The following CEP192 variants were observed in gnomAD, a reference collection of about 807,000 sequenced individuals.
CEP192 encodes the protein centrosomal protein of 192 kDa.
In CEP192, 151 loss-of-function variants were observed where a neutral mutation model predicts 271.8. The ratio of observed to expected loss-of-function variants is 0.56; its 90% CI spans 0.49 to 0.64. The LOEUF (loss-of-function observed/expected upper bound fraction) is 0.64. Among genes scored for constraint, CEP192 ranks in the 30% least tolerant of loss-of-function variants. CEP192 has a pLI of 0.00. For synonymous variants in CEP192, 995 were observed against 1,076.5 expected (o/e 0.92, Z 1.48); for missense variants, 2,910 against 3,020.5 (o/e 0.96, Z 0.86).
intron 36 of CEP192, 22 bp from the exon 37 acceptor site, chr18:13,099,454 T>C: frequency 8.1e-7 from 1 of 1,235,800 alleles, no homozygotes; most frequent in Non-Finnish European, 1.2e-6. Context: ...CTTTTTAATT[T>C]TCTTATTAAT....
At chr18:13,002,423 A>G (rs2033711720) in intron 3 of CEP192, among the ~76,000 whole-genome samples, 1 of 152,150 alleles carries the variant, frequency 6.6e-6, no homozygotes, top group African/African-American at 2.4e-5. Flanking sequence ...TGTGTTGGTC[A>G]TTTAGATTAT....
intron 36 of CEP192, among the ~76,000 whole-genome samples, chr18:13,098,754 C>T (rs1403301423): frequency 9.2e-5 from 14 of 151,556 alleles, no homozygotes; most frequent in Non-Finnish European, 1.8e-4. Context: ...CAGGCAGAGA[C>T]GCTCCTCACT....
chr18:13,118,919 A>C (rs1297819496), intron 44 of CEP192, among the ~76,000 whole-genome samples: 1 of 152,194 alleles, frequency 6.6e-6, no homozygotes. Context: ...GTCTTCATTT[A>C]ATCCCTATGA....
rs553583483 is a variant in CEP192, at chr18:13,024,832, C to T, written c.1051-4831C>T. Reference sequence around the variant, plus strand: ...TTGCCCAGGCTCTAGTGCAGTGGTGCGATCTCAGCTATCTGCGACCTCCAC... The same window carrying T: ...TTGCCCAGGCTCTAGTGCAGTGGTGTGATCTCAGCTATCTGCGACCTCCAC... On this transcript the variant is annotated intron_variant, in intron 9 of 44. Coordinates refer to ENST00000506447, the MANE Select transcript of CEP192 (RefSeq NM_032142.4). Among the ~76,000 whole-genome samples the T allele has an allele frequency of 7.2e-5, 11 of 151,990 alleles. No individual in the cohort carries two copies. The East Asian group carries it at 7.8e-4, about 11-fold the overall frequency.
rs370569257 is a variant in CEP192 at position 13,049,697 on chromosome 18, G to A, written c.2890+16G>A. On this transcript the variant is annotated intron_variant, in intron 16 of 44. Transcript: ENST00000506447. ...AAAAATAGTGGTAAGTGTCTGAGTC[G>A]TTGGTCACATTCATAAAATTACAAA... 33 of 1,603,152 alleles carry A rather than the reference G, an allele frequency of 2.1e-5. No individual in the cohort carries two copies. Among genetic ancestry groups the A allele is most frequent in the Middle Eastern group, 1.7e-4 (1 of 5,976 alleles).
intron 30 of CEP192, among the ~76,000 whole-genome samples, chr18:13,085,029 G>C (rs1598555824): frequency 1.3e-5 from 2 of 150,706 alleles, no homozygotes; most frequent in East Asian, 3.9e-4. Context: ...GTTTCACCAT[G>C]TTAGCCAGGA....
At position 13,053,057 on chromosome 18, in the gene CEP192, C is replaced by T. The variant is rs1453524984; in HGVS notation, c.3156C>T (p.Thr1052=). Reference sequence around the variant, plus strand: ...CTGAACCAGAGAGCTCCTATCCTACCACAGCCACAGATGATGCCCTGGAGG... The same window carrying T: ...CTGAACCAGAGAGCTCCTATCCTACTACAGCCACAGATGATGCCCTGGAGG... The part of the protein sequence containing the change: ...YVSEPESSYP[T]TATDDALEDR... The change falls in exon 18 of 45, where the codon ACC becomes ACT. Residue 1052 remains threonine, a synonymous_variant. Transcript: ENST00000506447. 1.4e-5 allele frequency: 23 copies of T among 1,612,770 alleles called. No individual in the cohort carries two copies. Among genetic ancestry groups the T allele is most frequent in the Non-Finnish European group, 2.0e-5 (23 of 1,179,274 alleles).
At chr18:13,034,359 T>C (rs978334107) in intron 11 of CEP192, among the ~76,000 whole-genome samples, 10 of 152,094 alleles carry the variant, frequency 6.6e-5, no homozygotes, top group African/African-American at 2.2e-4. Context: ...AATGGGAGCC[T>C]TTTTACTGAA....
intron 11 of CEP192, among the ~76,000 whole-genome samples, chr18:13,034,922 G>C (rs74365022): frequency 6.6e-6 from 1 of 151,742 alleles, no homozygotes; most frequent in Non-Finnish European, 1.5e-5. Context: ...CATTGCTGCC[G>C]CTTATGACCT....
At position 13,046,003 on chromosome 18, in the gene CEP192, C is replaced by T. The variant is rs184681457; in HGVS notation, c.2068-2856C>T. Among the ~76,000 whole-genome samples, 904 of 152,204 alleles carry T rather than the reference C, an allele frequency of 5.9e-3. 9 individuals carry two copies. Among genetic ancestry groups the T allele is most frequent in the African/African-American group, 0.021 (867 of 41,534 alleles). ...AACCAGTCTGACAGTCTGTATTAGCCTGTTTCTTGCATTGCTATCAAGAAA... is the reference window on the plus strand; with the variant it reads ...AACCAGTCTGACAGTCTGTATTAGCTTGTTTCTTGCATTGCTATCAAGAAA... On this transcript the variant is annotated intron_variant, in intron 15 of 44. Transcript: ENST00000506447.
chr18:12,995,316 G>A (rs968587322), intron 1 of CEP192, among the ~76,000 whole-genome samples: 4 of 151,742 alleles, frequency 2.6e-5, no homozygotes, highest in Non-Finnish European at 4.4e-5. Context: ...CGCCCGCCTC[G>A]GCCTCCCAAA....
intron 7 of CEP192, among the ~76,000 whole-genome samples, chr18:13,017,948 C>T (rs1461089139): frequency 2.6e-5 from 4 of 151,858 alleles, no homozygotes; most frequent in Non-Finnish European, 5.9e-5. Flanking sequence ...AAATCTAGGC[C>T]CTTTGTTTTG....
Position 13,040,234 on chromosome 18 carries a change from G to A in CEP192, c.1810-596G>A, listed in dbSNP as rs2036131597. Among the ~76,000 whole-genome samples, 6 of 152,266 alleles carry A rather than the reference G, an allele frequency of 3.9e-5. No individual in the cohort carries two copies. In the South Asian group the frequency reaches 1.2e-3, roughly 32 times the overall value. ...TTTGCATTCAAGTTACTGAATCAAG[G>A]GAAGAAATTAAGATATTAATCACAA... On this transcript the variant is annotated intron_variant, in intron 13 of 44. Coordinates refer to ENST00000506447, the MANE Select transcript of CEP192 (RefSeq NM_032142.4).
intron 30 of CEP192, among the ~76,000 whole-genome samples, chr18:13,076,299 A>G (rs1436569337): frequency 6.6e-6 from 1 of 152,100 alleles, no homozygotes; most frequent in Admixed American, 6.6e-5. Context: ...ATCTCGGCTC[A>G]CTGCAACCTC....
At chr18:13,009,435 AT>A (rs890667256) in intron 4 of CEP192, among the ~76,000 whole-genome samples, 2 of 152,016 alleles carry the variant, frequency 1.3e-5, no homozygotes, top group Non-Finnish European at 2.9e-5. Context: ...TTCTAAGCCT[AT>A]TTTTTTTATA....
intron 3 of CEP192, among the ~76,000 whole-genome samples, chr18:13,002,484 A>G (rs900396341): frequency 6.6e-6 from 1 of 152,178 alleles, no homozygotes; most frequent in Non-Finnish European, 1.5e-5. Context: ...GTACATTTAT[A>G]TATACATTTT....
chr18:13,079,553 G>A (rs1007408318), intron 30 of CEP192, among the ~76,000 whole-genome samples: 2 of 152,130 alleles, frequency 1.3e-5, no homozygotes, highest in Non-Finnish European at 2.9e-5. Flanking sequence ...TGACAGATGG[G>A]TAGATTAAAA....
At chr18:13,032,163 A>G (rs1487884382) in intron 11 of CEP192, among the ~76,000 whole-genome samples, 1 of 152,112 alleles carries the variant, frequency 6.6e-6, no homozygotes, top group Non-Finnish European at 1.5e-5. Context: ...AGTTCTTAGG[A>G]TGTTGTAGAA....
At chr18:13,030,314 GA>G in intron 10 of CEP192, 150 bp from the exon 11 acceptor site, 1 of 673,876 alleles carries the variant, frequency 1.5e-6, no homozygotes, top group Non-Finnish European at 2.4e-6. Context: ...TTCTTTTGGG[GA>G]AATGGGTTTT....
Sources: gnomAD v4.1 joint callset for allele counts (sites outside exome capture counted in the v4.1 genomes callset) on GRCh38, gnomAD v4.1.1 for gene constraint, MANE v1.5 for transcripts, NCBI Gene and HGNC (gene_info 2026-07-23, HGNC 2026-07-21) for gene names.